PCM1: variants seen among roughly 807,000 people sequenced by gnomAD.
PCM1 encodes the protein pericentriolar material 1, also known as pericentriolar material 1 protein.
Under a neutral mutation model 241.9 loss-of-function variants are expected in PCM1, and 157 were observed. The observed-to-expected ratio is 0.65, with a 90% confidence interval of 0.57 to 0.74. PCM1 has a LOEUF of 0.74. Ranked by LOEUF, PCM1 falls within the 30% of genes least tolerant of loss-of-function variation. The pLI is 0.00. For synonymous variants in PCM1, 1,085 were observed against 784.9 expected (o/e 1.38, Z -6.39); for missense variants, 3,478 against 2,360.1 (o/e 1.47, Z -9.81).
intron 23 of PCM1, among the ~76,000 whole-genome samples, chr8:17,976,819 G>A (rs1157735371): frequency 6.6e-6 from 1 of 151,940 alleles, no homozygotes; most frequent in East Asian, 1.9e-4. Flanking sequence ...CCTTAACTTT[G>A]GAAATCTAGC....
Position 18,009,626 on chromosome 8 carries a change from T to G in PCM1, c.5042T>G (p.Phe1681Cys), listed in dbSNP as rs2092142627. 1 of 1,595,632 alleles carries G rather than the reference T, an allele frequency of 6.3e-7. No homozygotes were observed. The highest frequency in any genetic ancestry group is 8.5e-7 in the Non-Finnish European group (1 of 1,170,850). The change falls in exon 31 of 39, where the codon TTC becomes TGC. Residue 1681 changes from phenylalanine to cysteine, a missense_variant. By Grantham distance (205) the Phe-to-Cys change is radical. Transcript: ENST00000325083. The part of the protein sequence containing the change: ...DLLVEISEVL[F>C]NELAFFKLMQ... ...CTTGTAGAGATATCTGAAGTGTTGTTCAATGAATTGGCTTTCTTTAAGCTT... is the reference window on the plus strand; with the variant it reads ...CTTGTAGAGATATCTGAAGTGTTGTGCAATGAATTGGCTTTCTTTAAGCTT...
chr8:17,977,495 GC>G (rs917918421), intron 23 of PCM1, among the ~76,000 whole-genome samples: 11 of 152,230 alleles, frequency 7.2e-5, no homozygotes, highest in African/African-American at 2.7e-4. Context: ...GAAGATGCAA[GC>G]AAGGCTTTAG....
intron 21 of PCM1, among the ~76,000 whole-genome samples, chr8:17,968,145 A>G (rs1471945062): frequency 6.6e-6 from 1 of 152,184 alleles, no homozygotes; most frequent in Non-Finnish European, 1.5e-5. Flanking sequence ...TTCTAATAGA[A>G]CCACTTAGAG....
Position 17,956,685 on chromosome 8 carries a change from A to G in PCM1, c.1554A>G (p.Thr518=), listed in dbSNP as rs1456148983. Residue 518 remains threonine, a synonymous_variant, in exon 11 of 39, where the codon ACA becomes ACG. Coordinates refer to ENST00000325083, the MANE Select transcript of PCM1 (RefSeq NM_006197.4). ...HYYEQTSDMM[T]DAVNENRKDE... is the part of the protein sequence containing the mutation. Reference sequence around the variant, plus strand: ...ATGAACAAACGTCAGACATGATGACAGATGCTGTGAATGAAAACAGGAAAG... The same window carrying G: ...ATGAACAAACGTCAGACATGATGACGGATGCTGTGAATGAAAACAGGAAAG... 6.2e-7 allele frequency: 1 copy of G among 1,601,368 alleles called. No homozygotes were observed. The highest frequency in any genetic ancestry group is 8.5e-7 in the Non-Finnish European group (1 of 1,170,574).
In PCM1 at chr8:17,966,450, A is replaced by T; in HGVS notation, c.3198A>T (p.Thr1066=). ...TGAACCAGTGCTATACTCAGCTAAC[A>T]TGGCAACAGAATAATGTTCAGAGGT... The part of the protein sequence containing the change: ...HQLNQCYTQL[T]WQQNNVQRLK... Residue 1066 remains threonine, a synonymous_variant, in exon 20 of 39, where the codon ACA becomes ACT. Coordinates refer to ENST00000325083, the MANE Select transcript of PCM1 (RefSeq NM_006197.4). 6.2e-7 allele frequency: 1 copy of T among 1,613,808 alleles called. No homozygotes were observed. Among genetic ancestry groups the T allele is most frequent in the Non-Finnish European group, 8.5e-7 (1 of 1,179,762 alleles).
intron 29 of PCM1, among the ~76,000 whole-genome samples, chr8:17,999,825 G>A (rs2088583594): frequency 6.6e-6 from 1 of 151,860 alleles, no homozygotes; most frequent in Non-Finnish European, 1.5e-5. Flanking sequence ...CTGCCATCTT[G>A]CTCCACCCCT....
At chr8:17,984,983 T>TA (rs895730385) in intron 24 of PCM1, among the ~76,000 whole-genome samples, 1 of 151,930 alleles carries the variant, frequency 6.6e-6, no homozygotes, top group African/African-American at 2.4e-5. Context: ...GGATAGACCT[T>TA]AATCTAGTAG....
In PCM1 at chr8:17,937,293, A is replaced by G. The variant is rs778002078; in HGVS notation, c.256A>G (p.Ser86Gly). The G allele has an allele frequency of 2.5e-5, 40 of 1,610,082 alleles. 1 individual carries two copies. In the South Asian group the frequency reaches 3.9e-4, roughly 16 times the overall value. ...RTKTPHTFPH[S>G]RYMSQMSVPE... ...AAAGACTCCACATACGTTCCCACACAGTAGATACATGAGTCAGATGTCTGT... is the reference window on the plus strand; with the variant it reads ...AAAGACTCCACATACGTTCCCACACGGTAGATACATGAGTCAGATGTCTGT... Residue 86 changes from serine (S) to glycine (G), a missense_variant, in exon 4 of 39, where the codon AGT (serine) becomes GGT (glycine). Ser to Gly is a moderately conservative substitution (Grantham distance 56). Coordinates refer to ENST00000325083, the MANE Select transcript of PCM1 (RefSeq NM_006197.4).
chr8:17,940,212 C>T lies in PCM1; in HGVS notation c.783+351C>T, dbSNP rs1051850379. 34 of 937,554 alleles carry T rather than the reference C, an allele frequency of 3.6e-5. No homozygotes were observed. In the Middle Eastern group the frequency reaches 6.3e-4, roughly 17 times the overall value. 58.1% of individuals were successfully genotyped at this position (937,554 alleles called of 1,614,324 possible). ...TGGAAATGAAGGTTTAAATTTTTCT[C>T]CCAGTTTTCAAGATGTTATTTTTAT... On this transcript the variant is annotated intron_variant, in intron 6 of 38. Coordinates refer to ENST00000325083, the MANE Select transcript of PCM1 (RefSeq NM_006197.4).
At position 17,960,369 on chromosome 8, in the gene PCM1, G is replaced by T. The variant is rs756067775; in HGVS notation, c.2247G>T (p.Leu749Phe). The change falls in exon 15 of 39, where the codon TTG (leucine) becomes TTT (phenylalanine). Residue 749 changes from leucine to phenylalanine, a missense_variant. Physicochemically the swap from Leu to Phe is conservative, Grantham distance 22. Coordinates refer to ENST00000325083, the MANE Select transcript of PCM1 (RefSeq NM_006197.4). The part of the protein sequence containing the change: ...LQQQQRELKQ[L>F]QEERKKLIDI... ...AGCAACAGAGAGAGCTAAAACAATT[G>T]CAGGAAGAAAGAAAGAAACTGATTG... 1.4e-5 allele frequency: 22 copies of T among 1,607,578 alleles called. No homozygotes were observed. The highest frequency in any genetic ancestry group is 2.2e-5 in the East Asian group (1 of 44,790).
At position 17,939,022 on chromosome 8, in the gene PCM1, G is replaced by A; in HGVS notation, c.612+13G>A. The A allele has an allele frequency of 6.2e-7, 1 of 1,612,530 alleles. No individual in the cohort carries two copies. The highest frequency in any genetic ancestry group is 8.5e-7 in the Non-Finnish European group (1 of 1,179,014). On this transcript the variant is annotated intron_variant, in intron 5 of 38. Coordinates refer to ENST00000325083, the MANE Select transcript of PCM1 (RefSeq NM_006197.4). ...GGAGAGCAGCCAGGTGATAACGTTT[G>A]TTTCTTTTGCTCATTCTTTACACAA...
At chr8:17,999,792 G>A (rs562569560) in intron 29 of PCM1, among the ~76,000 whole-genome samples, 3 of 152,140 alleles carry the variant, frequency 2.0e-5, no homozygotes, top group Middle Eastern at 3.4e-3. Context: ...AGAAGGGGAA[G>A]ATGATTGGTG....
chr8:17,970,016 A>G (rs1338254737), intron 22 of PCM1, among the ~76,000 whole-genome samples: 1 of 152,170 alleles, frequency 6.6e-6, no homozygotes, highest in Non-Finnish European at 1.5e-5. Context: ...CGGTTAAAGC[A>G]GTTTGCTGTT....
chr8:17,965,899 C>T (rs1182788563), intron 18 of PCM1, 100 bp from the exon 19 acceptor site: 1 of 717,566 alleles, frequency 1.4e-6, no homozygotes, highest in Non-Finnish European at 2.3e-6. Flanking sequence ...TAATTTAAAA[C>T]AGAATATTGG....
intron 8 of PCM1, 44 bp downstream of exon 8, chr8:17,950,768 T>A: frequency 9.7e-7 from 1 of 1,032,858 alleles, no homozygotes; most frequent in Non-Finnish European, 1.5e-6. Context: ...AAAATCACAT[T>A]AATTAGAACA....
chr8:17,963,737 T>G (rs912498762), intron 17 of PCM1, among the ~76,000 whole-genome samples: 1 of 152,202 alleles, frequency 6.6e-6, no homozygotes, highest in African/African-American at 2.4e-5. Context: ...AATGTCCATA[T>G]TTAGAATATT....
At chr8:18,022,723 T>C (rs1254318334) in intron 36 of PCM1, among the ~76,000 whole-genome samples, 4 of 152,230 alleles carry the variant, frequency 2.6e-5, no homozygotes, top group Non-Finnish European at 4.4e-5. Flanking sequence ...TCAGACTTTA[T>C]GATTTAACAC....
intron 8 of PCM1, among the ~76,000 whole-genome samples, chr8:17,951,982 G>C (rs527705823): frequency 1.1e-3 from 161 of 152,178 alleles, no homozygotes; most frequent in African/African-American, 3.9e-3. Context: ...CAGCACTTTG[G>C]GAGGCCGAGG....
chr8:17,981,141 A>G (rs1048925449), intron 24 of PCM1, among the ~76,000 whole-genome samples: 3 of 152,084 alleles, frequency 2.0e-5, no homozygotes, highest in Admixed American at 6.6e-5. Context: ...GCCATCAGGG[A>G]TTTGGTTCCT....
Sources: allele counts gnomAD v4.1 joint callset (sites outside exome capture counted in the v4.1 genomes callset), GRCh38; gene constraint gnomAD v4.1.1; transcripts MANE v1.5; gene names NCBI Gene and HGNC (gene_info 2026-07-23, HGNC 2026-07-21).